Variants in MAGI1 observed in about 807,000 individuals in gnomAD.
The protein encoded by MAGI1 is membrane associated guanylate kinase, WW and PDZ domain containing 1, also known as membrane-associated guanylate kinase, WW and PDZ domain-containing protein 1.
Under a neutral mutation model 139.9 loss-of-function variants are expected in MAGI1, and 58 were observed. That is an observed-to-expected ratio of 0.41 (90% confidence interval 0.34 to 0.52). The LOEUF (loss-of-function observed/expected upper bound fraction) is 0.52, where lower values mean the gene tolerates loss of function less well. Among genes scored for constraint, MAGI1 ranks in the 20% least tolerant of loss-of-function variants. The pLI is 0.12. For synonymous variants in MAGI1, 812 were observed against 737.9 expected, an observed-to-expected ratio of 1.10 and a Z score of -1.63; for missense variants, 1,874 against 1,901.6, an observed-to-expected ratio of 0.99 and a Z score of 0.27.
chr3:65,901,147 T>C (rs2061214716), intron 1 of MAGI1, among the ~76,000 whole-genome samples: 1 of 152,182 alleles, frequency 6.6e-6, no homozygotes, highest in Admixed American at 6.5e-5. Context: ...TTTATACTAC[T>C]TGCAACGCAG....
rs1429869302 is a variant in MAGI1 at position 65,488,846 on chromosome 3, A to AT, written c.550+4665dup. 3.3e-5 allele frequency among the ~76,000 whole-genome samples: 5 copies of AT among 150,204 alleles called. No homozygotes were observed. The East Asian group carries it at 6.0e-4, about 18-fold the overall frequency. On this transcript the variant is annotated intron_variant, in intron 3 of 22. Coordinates refer to ENST00000402939, the MANE Select transcript of MAGI1 (RefSeq NM_001033057.2). Reference sequence around the variant, plus strand: ...GCCACCGTGCCCAGCTCATTTTTGTATTTTTTTATAGAGATGGGGTTTTGC... The same window carrying AT: ...GCCACCGTGCCCAGCTCATTTTTGTATTTTTTTTATAGAGATGGGGTTTTGC...
intron 1 of MAGI1, among the ~76,000 whole-genome samples, chr3:65,881,940 AAG>A (rs2060347019): frequency 6.6e-6 from 1 of 152,218 alleles, no homozygotes; most frequent in African/African-American, 2.4e-5. Flanking sequence ...AAGGCCTGTC[AAG>A]AGGAGATCAA....
Position 65,770,052 on chromosome 3 carries a change from C to T in MAGI1, c.314-147964G>A, listed in dbSNP as rs138677711. On this transcript the variant is annotated intron_variant, in intron 1 of 22. Transcript: ENST00000402939. ...CTATCTTGGGCCCATGATGCTATTA[C>T]TGCTCTCATGAACCTTATTACTGAG... is the stretch of plus-strand genomic sequence containing the variant. Among the ~76,000 whole-genome samples, 1,018 of 152,284 alleles carry T rather than the reference C, an allele frequency of 6.7e-3. 8 individuals carry two copies. Among genetic ancestry groups the T allele is most frequent in the African/African-American group, 0.023 (952 of 41,556 alleles).
At chr3:65,498,123 G>C (rs1455906744) in intron 2 of MAGI1, among the ~76,000 whole-genome samples, 2 of 152,044 alleles carry the variant, frequency 1.3e-5, no homozygotes, top group African/African-American at 4.8e-5. Flanking sequence ...CTGGACACAC[G>C]CCTGGCAGAT....
intron 1 of MAGI1, among the ~76,000 whole-genome samples, chr3:65,666,792 G>A (rs2086560859): frequency 6.6e-6 from 1 of 152,118 alleles, no homozygotes. Context: ...TTTCTCCAGT[G>A]CAAGGATTCA....
intron 1 of MAGI1, among the ~76,000 whole-genome samples, chr3:65,770,245 T>A (rs1263997002): frequency 6.6e-6 from 1 of 152,220 alleles, no homozygotes; most frequent in Non-Finnish European, 1.5e-5. Context: ...TTCTCCTAGT[T>A]CCAAAGACTG....
intron 1 of MAGI1, among the ~76,000 whole-genome samples, chr3:65,866,242 CTTGT>C (rs1402007404): frequency 6.7e-6 from 1 of 149,244 alleles, no homozygotes; most frequent in Admixed American, 6.7e-5. Context: ...CAGACAGAGT[CTTGT>C]TTTGTTGCTC....
At chr3:65,453,126 A>G (rs1949142342) in intron 6 of MAGI1, 132 bp downstream of exon 6, 3 of 752,416 alleles carry the variant, frequency 4.0e-6, no homozygotes, top group East Asian at 2.5e-5. Context: ...ACCACAGTCC[A>G]TTTAGCAGAA....
chr3:65,659,850 G>A (rs2086094564), intron 1 of MAGI1, among the ~76,000 whole-genome samples: 1 of 152,034 alleles, frequency 6.6e-6, no homozygotes. Flanking sequence ...GTTGGCCTGG[G>A]TTCTACATTT....
intron 1 of MAGI1, among the ~76,000 whole-genome samples, chr3:65,638,902 T>C (rs9855758): frequency 0.097 from 14,698 of 151,976 alleles, 1,734 homozygotes; most frequent in African/African-American, 0.28. Flanking sequence ...CCACCAGGCG[T>C]GGCCGTGGCT....
At chr3:65,782,417 T>C (rs992235246) in intron 1 of MAGI1, among the ~76,000 whole-genome samples, 1 of 152,096 alleles carries the variant, frequency 6.6e-6, no homozygotes, top group Non-Finnish European at 1.5e-5. Context: ...CTGTGACAAC[T>C]TGGTTTTAGC....
At chr3:65,734,250 C>T (rs1303208948) in intron 1 of MAGI1, among the ~76,000 whole-genome samples, 1 of 151,814 alleles carries the variant, frequency 6.6e-6, no homozygotes, top group Non-Finnish European at 1.5e-5. Context: ...AGGCTTGATC[C>T]CAGGAGTTCG....
chr3:66,017,770 C>T (rs2067734244), intron 1 of MAGI1, among the ~76,000 whole-genome samples: 2 of 152,162 alleles, frequency 1.3e-5, no homozygotes, highest in South Asian at 4.1e-4. Context: ...CCTCGGTTTT[C>T]ACTTTCATAC....
intron 1 of MAGI1, among the ~76,000 whole-genome samples, chr3:65,641,423 G>A (rs986398388): frequency 4.6e-5 from 7 of 152,124 alleles, no homozygotes; most frequent in Non-Finnish European, 5.9e-5. Context: ...ACTAGGCATC[G>A]GTATTTTTTT....
At chr3:65,516,922 G>A (rs1044367358) in intron 2 of MAGI1, among the ~76,000 whole-genome samples, 2 of 150,228 alleles carry the variant, frequency 1.3e-5, no homozygotes, top group East Asian at 2.0e-4. Flanking sequence ...TAGAGACGGG[G>A]TTTCACCGTT....
intron 1 of MAGI1, among the ~76,000 whole-genome samples, chr3:65,693,378 C>T (rs2088849839): frequency 6.6e-6 from 1 of 152,166 alleles, no homozygotes; most frequent in Non-Finnish European, 1.5e-5. Context: ...CCTTTAAATG[C>T]AGAGCAAGGA....
intron 14 of MAGI1, among the ~76,000 whole-genome samples, chr3:65,390,462 T>C (rs1943830317): frequency 6.6e-6 from 1 of 152,198 alleles, no homozygotes; most frequent in Non-Finnish European, 1.5e-5. Flanking sequence ...ATTGGTAAGA[T>C]AAATGAATAT....
intron 2 of MAGI1, among the ~76,000 whole-genome samples, chr3:65,539,498 G>T (rs897873329): frequency 6.6e-6 from 1 of 152,194 alleles, no homozygotes; most frequent in East Asian, 1.9e-4. Flanking sequence ...AATGGATACC[G>T]TGTTCTCTGG....
At chr3:65,786,897 G>C (rs2039431558) in intron 1 of MAGI1, among the ~76,000 whole-genome samples, 2 of 152,110 alleles carry the variant, frequency 1.3e-5, no homozygotes, top group Non-Finnish European at 2.9e-5. Flanking sequence ...TTACAGGTGT[G>C]AGCCACCGCG....
Sources: allele counts gnomAD v4.1 joint callset (sites outside exome capture counted in the v4.1 genomes callset), GRCh38; gene constraint gnomAD v4.1.1; transcripts MANE v1.5; gene names NCBI Gene and HGNC (gene_info 2026-07-23, HGNC 2026-07-21).